Variants in ZFHX3 observed in about 807,000 individuals in gnomAD.
The protein encoded by ZFHX3 is zinc finger homeobox protein 3.
In ZFHX3, 42 loss-of-function variants were observed where a neutral mutation model predicts 279.1. That is an observed-to-expected ratio of 0.15 (90% CI 0.12 to 0.19). The LOEUF (loss-of-function observed/expected upper bound fraction) is 0.19, where lower values mean the gene tolerates loss of function less well. ZFHX3 is among the 10% of genes least tolerant of loss of function. ZFHX3 has a pLI of 1.00. For synonymous variants in ZFHX3, 2,293 were observed against 1,957.8 expected, an observed-to-expected ratio of 1.17 and a Z score of -4.52; for missense variants, 4,981 against 4,754.0, an observed-to-expected ratio of 1.05 and a Z score of -1.40.
chr16:73,509,324 T>A (rs1185495606), intron 2 of ZFHX3, among the ~76,000 whole-genome samples: 1 of 152,070 alleles, frequency 6.6e-6, no homozygotes, highest in Non-Finnish European at 1.5e-5. Context: ...TCTTCTTCAC[T>A]ATGTTTCCCT....
chr16:73,336,423 T>C (rs1255446909), intron 3 of ZFHX3, among the ~76,000 whole-genome samples: 3 of 128,966 alleles, frequency 2.3e-5, no homozygotes, highest in Non-Finnish European at 4.7e-5. Flanking sequence ...GTGTCTATTG[T>C]TCCCTTCTTT....
chr16:73,575,264 T>C (rs1206873415), intron 2 of ZFHX3, among the ~76,000 whole-genome samples: 1 of 152,212 alleles, frequency 6.6e-6, no homozygotes, highest in Non-Finnish European at 1.5e-5. Flanking sequence ...AAGACACCTA[T>C]GGAAAGCGAC....
At chr16:72,931,157 C>A (rs1959775576) in intron 3 of ZFHX3, among the ~76,000 whole-genome samples, 1 of 152,126 alleles carries the variant, frequency 6.6e-6, no homozygotes, top group Non-Finnish European at 1.5e-5. Context: ...ATTCACCATT[C>A]ACATTACAAA....
At chr16:73,766,859 A>T (rs1033260383) in intron 1 of ZFHX3, among the ~76,000 whole-genome samples, 2 of 152,140 alleles carry the variant, frequency 1.3e-5, no homozygotes, top group African/African-American at 4.8e-5. Flanking sequence ...AGCCATTCAA[A>T]ATCATTATCT....
intron 3 of ZFHX3, among the ~76,000 whole-genome samples, chr16:73,393,162 T>C (rs893616721): frequency 6.6e-6 from 1 of 152,114 alleles, no homozygotes; most frequent in Non-Finnish European, 1.5e-5. Flanking sequence ...GGCTCACAGC[T>C]CAGCATGGCT....
chr16:72,793,312 C>A lies in ZFHX3; in HGVS notation c.9370G>T (p.Val3124Leu). Residue 3124 changes from valine (V) to leucine (L), a missense_variant, in exon 9 of 10, where the codon GTG becomes TTG. By Grantham distance (32) the Val-to-Leu change is conservative. Around this residue, in one of 7 missense-constraint regions of ZFHX3, gnomAD observed 1,034 missense variants for 786.0 expected, o/e 1.32. Transcript: ENST00000268489. The surrounding 1 kb of genome is among the most constrained non-coding windows in gnomAD (Gnocchi z 4.3). Reference protein sequence around the residue: ...AYPALQGIPPVLLPGLNSPSL... With the variant: ...AYPALQGIPPLLLPGLNSPSL... ...GGGCTGTTGAGGCCCGGGAGCAACA[C>A]AGGAGGAATGCCCTGGAGCGCTGGA... The A allele has an allele frequency of 1.5e-5, 25 of 1,614,118 alleles. No homozygotes were observed. The highest frequency in any genetic ancestry group is 2.0e-5 in the Non-Finnish European group (24 of 1,179,998).
chr16:73,842,178 T>G (rs1961326916), intron 1 of ZFHX3, among the ~76,000 whole-genome samples: 1 of 151,124 alleles, frequency 6.6e-6, no homozygotes, highest in Non-Finnish European at 1.5e-5. Context: ...ATTGCACCAC[T>G]GCACTCCAGC....
At position 73,853,671 on chromosome 16, in the gene ZFHX3, TCCAA is replaced by T. The variant is rs1160475495; in HGVS notation, c.-1608+37976_-1608+37979del. Among the ~76,000 whole-genome samples, 16 of 151,998 alleles carry T rather than the reference TCCAA, an allele frequency of 1.1e-4. No homozygotes were observed. The East Asian group carries it at 1.5e-3, about 15-fold the overall frequency. ...AGATGGAAATAATAGACACTAGAAC[TCCAA>T]AAGGGAGAAGGGTGAGAGGGAGACA... is the stretch of plus-strand genomic sequence containing the variant. On this transcript the variant is annotated intron_variant, in intron 1 of 17. Transcript: ENST00000641206.
At chr16:73,133,318 TC>T (rs1966728796) in intron 6 of ZFHX3, among the ~76,000 whole-genome samples, 1 of 152,108 alleles carries the variant, frequency 6.6e-6, no homozygotes, top group Non-Finnish European at 1.5e-5. Context: ...AGTCAGGAGT[TC>T]AAGACCAGCC....
rs117704653 is a variant in ZFHX3, at chr16:72,877,190, G to A, written c.3448+12541C>T. Among the ~76,000 whole-genome samples, 291 of 152,250 alleles carry A rather than the reference G, an allele frequency of 1.9e-3. 8 individuals carry two copies. The East Asian group carries it at 0.044, about 23-fold the overall frequency. On this transcript the variant is annotated intron_variant, in intron 4 of 9. Transcript: ENST00000268489. ...CCGCCCAGGGTCTGGGCACAGGTCC[G>A]CAGGGAATCAAATGGCTGCAGAATT...
intron 1 of ZFHX3, among the ~76,000 whole-genome samples, chr16:73,691,831 T>C (rs1294223973): frequency 6.6e-6 from 1 of 152,222 alleles, no homozygotes; most frequent in Non-Finnish European, 1.5e-5. Context: ...TTAAAATTTA[T>C]TGAGATACTG....
intron 3 of ZFHX3, chr16:73,401,229 T>C (rs1403719737): frequency 6.6e-6 from 1 of 152,136 alleles, no homozygotes. Context: ...TATGTTCATT[T>C]CCACCTTCCT....
chr16:73,690,526 T>C (rs2053138325), intron 1 of ZFHX3, among the ~76,000 whole-genome samples: 1 of 152,252 alleles, frequency 6.6e-6, no homozygotes, highest in Admixed American at 6.5e-5. Context: ...CAAAGACTGC[T>C]GCAAAGTTTC....
At chr16:73,198,995 G>A (rs1303926888) in intron 5 of ZFHX3, among the ~76,000 whole-genome samples, 4 of 152,178 alleles carry the variant, frequency 2.6e-5, no homozygotes, top group Non-Finnish European at 4.4e-5. Flanking sequence ...ATGTGAGCTC[G>A]GGGACTCTCG....
intron 3 of ZFHX3, among the ~76,000 whole-genome samples, chr16:72,920,880 G>A (rs544029713): frequency 5.5e-4 from 83 of 151,744 alleles, no homozygotes; most frequent in Non-Finnish European, 9.7e-4. Context: ...GACCAGCCTG[G>A]GTAAGAAAGT....
At chr16:73,472,892 T>A (rs569265694) in intron 2 of ZFHX3, among the ~76,000 whole-genome samples, 2 of 152,292 alleles carry the variant, frequency 1.3e-5, no homozygotes, top group East Asian at 3.9e-4. Flanking sequence ...CTGAGGGATT[T>A]CATCATCTCT....
intron 3 of ZFHX3, among the ~76,000 whole-genome samples, chr16:73,367,091 C>T (rs1431765079): frequency 6.6e-6 from 1 of 152,170 alleles, no homozygotes; most frequent in African/African-American, 2.4e-5. Context: ...TCTCCCAGTT[C>T]TCCTTCCTGG....
intron 4 of ZFHX3, among the ~76,000 whole-genome samples, chr16:72,843,161 G>A (rs762182211): frequency 5.9e-5 from 9 of 152,124 alleles, no homozygotes; most frequent in Non-Finnish European, 1.2e-4. Flanking sequence ...CTGACCACAA[G>A]TACCTCAATT....
chr16:73,346,242 T>C (rs888873968), intron 3 of ZFHX3, among the ~76,000 whole-genome samples: 2 of 152,168 alleles, frequency 1.3e-5, no homozygotes, highest in Non-Finnish European at 2.9e-5. Flanking sequence ...TTTCCAGCAT[T>C]TGGGAAACAT....
Sources: allele counts gnomAD v4.1 joint callset (sites outside exome capture counted in the v4.1 genomes callset), GRCh38; gene constraint gnomAD v4.1.1; regional missense constraint gnomAD v4.1.1; non-coding constraint Gnocchi (gnomAD v3.1); transcripts MANE v1.5; gene names NCBI Gene and HGNC (gene_info 2026-07-23, HGNC 2026-07-21).